EML1: variants seen among roughly 807,000 people sequenced by gnomAD.
EML1 encodes echinoderm microtubule-associated protein-like 1.
EML1 carries 27 observed loss-of-function variants against 110.4 expected under a neutral mutation model. That is an observed-to-expected ratio of 0.24 (90% confidence interval 0.18 to 0.34). The LOEUF (loss-of-function observed/expected upper bound fraction) is 0.34, where lower values mean the gene tolerates loss of function less well. Among genes scored for constraint, EML1 ranks in the 10% least tolerant of loss-of-function variants. The probability of loss-of-function intolerance (pLI) is 1.00; values close to 1 mark genes in which losing one functional copy is unlikely to be tolerated. For synonymous variants in EML1, 344 were observed against 385.8 expected (o/e 0.89, Z 1.27); for missense variants, 741 against 1,030.9 (o/e 0.72, Z 3.85).
chr14:99,848,974 A>T (rs1039530215), intron 1 of EML1, among the ~76,000 whole-genome samples: 2 of 145,560 alleles, frequency 1.4e-5, no homozygotes, highest in Admixed American at 6.8e-5. Context: ...AAAAAAAAAA[A>T]TAATAAAACT....
At chr14:99,744,454 C>G (rs77365812) in intron 1 of EML1, among the ~76,000 whole-genome samples, 16 of 152,142 alleles carry the variant, frequency 1.1e-4, no homozygotes, top group African/African-American at 3.9e-4. Flanking sequence ...CATGGGCACA[C>G]CAAATGGCCA....
intron 1 of EML1, among the ~76,000 whole-genome samples, chr14:99,776,419 G>A (rs55744967): frequency 0.13 from 19,533 of 151,776 alleles, 1,489 homozygotes; most frequent in East Asian, 0.37. Flanking sequence ...TGGGAGAATC[G>A]CTTGAACCTG....
In EML1 at chr14:99,860,464, T is replaced by C. The variant is rs79110549; in HGVS notation, c.251-5050T>C. 5.2e-4 allele frequency among the ~76,000 whole-genome samples: 79 copies of C among 152,304 alleles called. 3 individuals carry two copies. In the East Asian group the frequency reaches 0.015, roughly 29 times the overall value. On this transcript the variant is annotated intron_variant, in intron 2 of 21. Coordinates refer to ENST00000262233, the MANE Select transcript of EML1 (RefSeq NM_004434.3). ...ATTCATTACAGCTGCTCCTCTTTCCTGTCATCTTCAAGATCCAGGCTGGCA... is the reference window on the plus strand; with the variant it reads ...ATTCATTACAGCTGCTCCTCTTTCCCGTCATCTTCAAGATCCAGGCTGGCA...
intron 9 of EML1, among the ~76,000 whole-genome samples, chr14:99,904,894 A>C (rs2059818530): frequency 6.6e-6 from 1 of 152,220 alleles, no homozygotes. Context: ...CCTCTTTATG[A>C]CAGAATGATA....
chr14:99,821,296 C>G (rs1409693229), intron 1 of EML1, among the ~76,000 whole-genome samples: 1 of 152,126 alleles, frequency 6.6e-6, no homozygotes, highest in African/African-American at 2.4e-5. Context: ...CTTGAGGCAC[C>G]ACGCCCAGCC....
chr14:99,827,903 G>A lies in EML1; in HGVS notation c.68-22950G>A, dbSNP rs2058387298. Among the ~76,000 whole-genome samples, 2 of 152,194 alleles carry A rather than the reference G, an allele frequency of 1.3e-5. No homozygotes were observed. Among genetic ancestry groups the A allele is most frequent in the African/African-American group, 4.8e-5 (2 of 41,446 alleles). On this transcript the variant is annotated intron_variant, in intron 1 of 21. Coordinates refer to ENST00000262233, the MANE Select transcript of EML1 (RefSeq NM_004434.3). This position sits in a 1 kb window ranked among gnomAD's most constrained non-coding sequence, Gnocchi z 4.4. ...TGAGCACCCAGCAGGGTGTCTGGGT[G>A]CAGTAGATGCGATGGTTGGTGTATA...
chr14:99,892,361 T>G (rs2059601905), intron 5 of EML1, among the ~76,000 whole-genome samples: 1 of 152,216 alleles, frequency 6.6e-6, no homozygotes, highest in African/African-American at 2.4e-5. Context: ...GAGCATTTAC[T>G]CGGATGGGCT....
At chr14:99,852,238 A>G (rs2058822915) in intron 2 of EML1, among the ~76,000 whole-genome samples, 2 of 152,248 alleles carry the variant, frequency 1.3e-5, no homozygotes. Context: ...GACTAACTGT[A>G]GAAAAGAGAA....
At chr14:99,837,627 T>C (rs1180835280) in intron 1 of EML1, among the ~76,000 whole-genome samples, 2 of 152,200 alleles carry the variant, frequency 1.3e-5, no homozygotes, top group Admixed American at 6.5e-5. Context: ...AAAGACAAGT[T>C]CTACCATAAA....
chr14:99,768,839 T>A (rs1161069857), upstream of EML1, among the ~76,000 whole-genome samples: 1 of 151,464 alleles, frequency 6.6e-6, no homozygotes, highest in African/African-American at 2.4e-5. Flanking sequence ...TGCCTCAGCC[T>A]CCTGAGTAGC....
intron 1 of EML1, among the ~76,000 whole-genome samples, chr14:99,819,520 G>A (rs2058225821): frequency 6.6e-6 from 1 of 152,188 alleles, no homozygotes; most frequent in South Asian, 2.1e-4. Flanking sequence ...TGGTAATTTT[G>A]CAAGTGATGA....
intron 1 of EML1, among the ~76,000 whole-genome samples, chr14:99,843,455 G>A (rs2058663252): frequency 6.6e-6 from 1 of 152,064 alleles, no homozygotes; most frequent in Non-Finnish European, 1.5e-5. Flanking sequence ...CTTAATTACA[G>A]CTTATATTTA....
chr14:99,928,644 G>C (rs930225972), intron 17 of EML1, among the ~76,000 whole-genome samples: 1 of 152,142 alleles, frequency 6.6e-6, no homozygotes, highest in African/African-American at 2.4e-5. Context: ...TGGGAAATAC[G>C]TGGCTGACTC....
chr14:99,920,063 C>T (rs1046327710), intron 16 of EML1, among the ~76,000 whole-genome samples: 1 of 152,140 alleles, frequency 6.6e-6, no homozygotes, highest in African/African-American at 2.4e-5. Flanking sequence ...AGAGTTCAGT[C>T]ATTCTGATGT....
intron 17 of EML1, among the ~76,000 whole-genome samples, chr14:99,933,559 C>G (rs988989076): frequency 3.9e-5 from 6 of 152,212 alleles, no homozygotes; most frequent in Non-Finnish European, 5.9e-5. Flanking sequence ...TTCAGCTGTT[C>G]TTTACCCTAA....
intron 10 of EML1, among the ~76,000 whole-genome samples, chr14:99,908,746 C>G: frequency 6.6e-6 from 1 of 152,162 alleles, no homozygotes; most frequent in East Asian, 1.9e-4. Flanking sequence ...CCATGGGACC[C>G]CAGGCCGGTT....
chr14:99,785,611 G>A lies in EML1; in HGVS notation c.-27+11598G>A, dbSNP rs145877602. Among the ~76,000 whole-genome samples, 16 of 152,260 alleles carry A rather than the reference G, an allele frequency of 1.1e-4. No homozygotes were observed. In the East Asian group the frequency reaches 1.2e-3, roughly 11 times the overall value. The stretch of plus-strand genomic sequence containing the variant: ...GGATTCTGGAAAATACAGATGATAC[G>A]TTTGATATTAATATCGGTTCTGAGC... On this transcript the variant is annotated intron_variant, in intron 1 of 22. Transcript: ENST00000327921.
chr14:99,737,972 C>T, intron 1 of EML1: 1 of 1,120,678 alleles, frequency 8.9e-7, no homozygotes, highest in Non-Finnish European at 1.2e-6. Flanking sequence ...GAGCTGGACC[C>T]CCTTCCTCCT....
At chr14:99,804,562 C>T (rs1415186530) in intron 1 of EML1, among the ~76,000 whole-genome samples, 1 of 152,166 alleles carries the variant, frequency 6.6e-6, no homozygotes, top group Non-Finnish European at 1.5e-5. Context: ...TCTGGCTCCA[C>T]TGTCCATGGT....
Sources: allele counts gnomAD v4.1 joint callset (sites outside exome capture counted in the v4.1 genomes callset), GRCh38; gene constraint gnomAD v4.1.1; non-coding constraint Gnocchi (gnomAD v3.1); transcripts MANE v1.5; gene names NCBI Gene and HGNC (gene_info 2026-07-23, HGNC 2026-07-21).